Variants in TNFRSF8 observed in about 807,000 individuals in gnomAD.
The protein encoded by TNFRSF8 is tumor necrosis factor receptor superfamily member 8.
A neutral mutation model predicts 70.8 loss-of-function variants in TNFRSF8; 26 were observed. That is an observed-to-expected ratio of 0.37 (90% CI 0.27 to 0.51). The LOEUF (loss-of-function observed/expected upper bound fraction) is 0.51, where lower values mean the gene tolerates loss of function less well. Among genes scored for constraint, TNFRSF8 ranks in the 20% least tolerant of loss-of-function variants. The pLI is 0.94. For missense variants in TNFRSF8, 720 were observed against 807.9 expected (o/e 0.89, Z 1.32); for synonymous variants, 356 against 339.2 (o/e 1.05, Z -0.54).
Position 12,109,714 on chromosome 1 carries a change from C to T in TNFRSF8, c.512+58C>T, listed in dbSNP as rs1641593589. On this transcript the variant is annotated intron_variant, in intron 5 of 14. Transcript: ENST00000263932. The surrounding 1 kb of genome is among the most constrained non-coding windows in gnomAD (Gnocchi z 4.4). ...CCAAGCTGGCTTTCAGATGAGGCTG[C>T]CCCACCCCACAGGACGCCCATGGTA... 2.8e-6 allele frequency: 4 copies of T among 1,436,050 alleles called. No individual in the cohort carries two copies. The highest frequency in any genetic ancestry group is 2.3e-5 in the East Asian group (1 of 43,926). The allele number at this position is 1,436,050 out of a possible 1,614,324, so 89.0% of individuals were successfully genotyped here.
chr1:12,100,694 C>T (rs1295228174), intron 3 of TNFRSF8, among the ~76,000 whole-genome samples: 1 of 152,216 alleles, frequency 6.6e-6, no homozygotes. Flanking sequence ...CAGTGACTCA[C>T]ACCTGTAATC....
At chr1:12,104,260 A>G (rs745519943) in intron 3 of TNFRSF8, 119 bp from the exon 4 acceptor site, 37 of 1,066,196 alleles carry the variant, frequency 3.5e-5, no homozygotes, top group Non-Finnish European at 3.6e-5. Context: ...CAGGGGGTTG[A>G]GCTGGGAGGC....
intron 12 of TNFRSF8, among the ~76,000 whole-genome samples, chr1:12,131,071 ACTTACCATC>A (rs1642039285): frequency 6.6e-6 from 1 of 152,172 alleles, no homozygotes; most frequent in Admixed American, 6.5e-5. Context: ...GAGCCATGTT[ACTTACCATC>A]CTGGGCTTTT....
intron 1 of TNFRSF8, among the ~76,000 whole-genome samples, chr1:12,082,113 G>A (rs1178376898): frequency 1.3e-5 from 2 of 152,016 alleles, no homozygotes; most frequent in South Asian, 4.2e-4. Flanking sequence ...GTGCAATGGC[G>A]TTCCCCTGTC....
intron 1 of TNFRSF8, among the ~76,000 whole-genome samples, chr1:12,077,616 A>G (rs764814569): frequency 9.2e-5 from 14 of 152,212 alleles, no homozygotes; most frequent in Non-Finnish European, 2.1e-4. Flanking sequence ...CACACAGCAC[A>G]TGACCTGGAT....
intron 1 of TNFRSF8, among the ~76,000 whole-genome samples, chr1:12,084,130 A>G (rs987204532): frequency 2.0e-5 from 3 of 152,162 alleles, no homozygotes; most frequent in Non-Finnish European, 4.4e-5. Context: ...TCCCAGAGAC[A>G]AGGTAGGAAG....
chr1:12,078,369 G>A (rs1641003744), intron 1 of TNFRSF8, among the ~76,000 whole-genome samples: 1 of 152,082 alleles, frequency 6.6e-6, no homozygotes, highest in African/African-American at 2.4e-5. Flanking sequence ...TTCGAGACCA[G>A]CCTGGTCAAC....
At chr1:12,099,083 G>C (rs910431641) in intron 3 of TNFRSF8, among the ~76,000 whole-genome samples, 41 of 152,148 alleles carry the variant, frequency 2.7e-4, no homozygotes, top group African/African-American at 8.9e-4. Flanking sequence ...TTTCAAGAAG[G>C]GCTCGTCTTT....
Position 12,112,053 on chromosome 1 carries a change from T to A in TNFRSF8, c.793+39T>A. On this transcript the variant is annotated intron_variant, in intron 7 of 14. Coordinates refer to ENST00000263932, the MANE Select transcript of TNFRSF8 (RefSeq NM_001243.5). The surrounding 1 kb of genome is among the most constrained non-coding windows in gnomAD (Gnocchi z 5.3). ...CCCTCCCCGGGCCTCAGTTTACCTC[T>A]CTGCATTTTTGAACCGTGAACTTCC... The A allele has an allele frequency of 1.3e-6, 2 of 1,513,260 alleles. No homozygotes were observed. The highest frequency in any genetic ancestry group is 1.8e-6 in the Non-Finnish European group (2 of 1,095,568). 93.7% of individuals were successfully genotyped at this position (1,513,260 alleles called of 1,614,324 possible). A position where few individuals can be genotyped will look rare whatever the true frequency, so the allele number is the denominator to read the frequency against.
chr1:12,083,784 T>C (rs1451919845), intron 1 of TNFRSF8, among the ~76,000 whole-genome samples: 1 of 152,256 alleles, frequency 6.6e-6, no homozygotes, highest in East Asian at 1.9e-4. Context: ...GCAACTGTTA[T>C]TTGCAACAGT....
At chr1:12,122,121 G>A (rs1034793475) in intron 8 of TNFRSF8, among the ~76,000 whole-genome samples, 1 of 152,096 alleles carries the variant, frequency 6.6e-6, no homozygotes, top group African/African-American at 2.4e-5. Context: ...AGAATGTTCT[G>A]TATTTTGATT....
rs1257946291 is a variant in TNFRSF8 at position 12,144,175 on chromosome 1, CTA to C, written c.*1645_*1646del. The C allele has an allele frequency of 1.3e-5, 2 of 152,222 alleles. No homozygotes were observed. Among genetic ancestry groups the C allele is most frequent in the Non-Finnish European group, 2.9e-5 (2 of 68,040 alleles). The allele number at this position is 152,222 out of a possible 1,614,324, so 9.4% of individuals were successfully genotyped here. On this transcript the variant is annotated 3_prime_UTR_variant, in exon 15 of 15. Transcript: ENST00000263932. ...GGCCCTTCACACAACTTTTGAATCT[CTA>C]AAAATCCATAAAATCCTTAAAGAAC...
chr1:12,068,934 C>T (rs199607224), intron 1 of TNFRSF8, among the ~76,000 whole-genome samples: 9 of 150,844 alleles, frequency 6.0e-5, no homozygotes, highest in Admixed American at 5.3e-4. Flanking sequence ...TGTAGTGGTG[C>T]GATCTCGGCT....
rs551074427 is a variant in TNFRSF8, at chr1:12,108,026, C to A, written c.422-1540C>A. The stretch of plus-strand genomic sequence containing the variant: ...ACGAGAGGTCAGCATTGCTCGCGCT[C>A]ACCTCCACGGAAAGCTTCAGAGCGA... On this transcript the variant is annotated intron_variant, in intron 4 of 14. Transcript: ENST00000263932. The surrounding 1 kb of genome is among the most constrained non-coding windows in gnomAD (Gnocchi z 4.0). Among the ~76,000 whole-genome samples the A allele has an allele frequency of 4.0e-4, 61 of 151,732 alleles. 1 individual carries two copies. In the South Asian group the frequency reaches 0.012, roughly 29 times the overall value.
chr1:12,137,613 G>T (rs1486511678), intron 13 of TNFRSF8, among the ~76,000 whole-genome samples: 2 of 145,622 alleles, frequency 1.4e-5, no homozygotes, highest in South Asian at 2.2e-4. Flanking sequence ...TAATATACAT[G>T]AATTTAGATT....
At chr1:12,135,733 A>G in intron 13 of TNFRSF8, 120 bp downstream of exon 13, 2 of 1,385,036 alleles carry the variant, frequency 1.4e-6, no homozygotes, top group African/African-American at 1.4e-5. Context: ...CGGACTGGCC[A>G]TTCCCCTCCC....
At chr1:12,123,867 G>T (rs1288490151) in intron 10 of TNFRSF8, 40 bp downstream of exon 10, 3 of 1,500,880 alleles carry the variant, frequency 2.0e-6, no homozygotes, top group Admixed American at 2.0e-5. Flanking sequence ...CCCAGCAGGG[G>T]CTTCCTCCTG....
chr1:12,091,253 C>T (rs1245128755), intron 2 of TNFRSF8, among the ~76,000 whole-genome samples: 1 of 152,156 alleles, frequency 6.6e-6, no homozygotes, highest in African/African-American at 2.4e-5. Context: ...GTTGGTGATG[C>T]CTGGAAACAC....
In TNFRSF8 at chr1:12,113,163, A is replaced by T. The variant is rs1641661702; in HGVS notation, c.793+1149A>T. On this transcript the variant is annotated intron_variant, in intron 7 of 14. Coordinates refer to ENST00000263932, the MANE Select transcript of TNFRSF8 (RefSeq NM_001243.5). This position sits in a 1 kb window ranked among gnomAD's most constrained non-coding sequence, Gnocchi z 4.9. ...GTCTGAGGTCTTAGCTGGAAAGCCCAAAAGCTGCAGATCAGGAACTTCTGA... is the reference window on the plus strand; with the variant it reads ...GTCTGAGGTCTTAGCTGGAAAGCCCTAAAGCTGCAGATCAGGAACTTCTGA... Among the ~76,000 whole-genome samples the T allele has an allele frequency of 6.6e-6, 1 of 152,208 alleles. No individual in the cohort carries two copies. Among genetic ancestry groups the T allele is most frequent in the African/African-American group, 2.4e-5 (1 of 41,454 alleles).
Sources: gnomAD v4.1 joint callset for allele counts (sites outside exome capture counted in the v4.1 genomes callset) on GRCh38, gnomAD v4.1.1 for gene constraint, Gnocchi (gnomAD v3.1) non-coding constraint, MANE v1.5 for transcripts, NCBI Gene and HGNC (gene_info 2026-07-23, HGNC 2026-07-21) for gene names.